ZNF516: variants seen among roughly 807,000 people sequenced by gnomAD.
ZNF516 encodes zinc finger protein 516.
Under a neutral mutation model 79.7 loss-of-function variants are expected in ZNF516, and 19 were observed. The observed-to-expected ratio is 0.24, with a 90% CI of 0.17 to 0.35. ZNF516 has a LOEUF of 0.35. Among genes scored for constraint, ZNF516 ranks in the 10% least tolerant of loss-of-function variants. The probability of loss-of-function intolerance (pLI) is 1.00; values close to 1 mark genes in which losing one functional copy is unlikely to be tolerated. For synonymous variants in ZNF516, 877 were observed against 739.5 expected, an observed-to-expected ratio of 1.19 and a Z score of -3.02; for missense variants, 1,678 against 1,679.5, an observed-to-expected ratio of 1.00 and a Z score of 0.02.
chr18:76,376,436 T>C (rs1283653571), intron 4 of ZNF516, among the ~76,000 whole-genome samples: 1 of 151,958 alleles, frequency 6.6e-6, no homozygotes, highest in Non-Finnish European at 1.5e-5. Context: ...TATGTCTCAA[T>C]GTGTACATTA....
chr18:76,474,298 C>T (rs1366197779), intron 1 of ZNF516, among the ~76,000 whole-genome samples: 1 of 152,102 alleles, frequency 6.6e-6, no homozygotes, highest in Non-Finnish European at 1.5e-5. Context: ...GCTAAATTGG[C>T]AATAGAACAT....
rs1397663466 is a variant in ZNF516, at chr18:76,379,335, T to C, written c.2779A>G (p.Arg927Gly). The C allele has an allele frequency of 1.3e-6, 2 of 1,594,826 alleles. No homozygotes were observed. The highest frequency in any genetic ancestry group is 1.7e-5 in the Admixed American group (1 of 58,002). Residue 927 changes from arginine to glycine, a missense_variant, in exon 4 of 7, where the codon AGG becomes GGG. Transcript: ENST00000443185. The part of the protein sequence containing the change: ...VPAPGGGGFS[R>G]SATPTPTVIA... ...ACGGTGGGCGTAGGGGTGGCGCTCC[T>C]GCTGAAGCCCCCGCCACCCGGGGCA...
In ZNF516 at chr18:76,379,800, G is replaced by A; in HGVS notation, c.2314C>T (p.Pro772Ser). ...CPYCSHKTYY[P>S]EVLWMHKRIW... Reference sequence around the variant, plus strand: ...CGTTTGTGCATCCACAGGACCTCGGGGTAGTAGGTCTTGTGGCTGCAGTAA... The same window carrying A: ...CGTTTGTGCATCCACAGGACCTCGGAGTAGTAGGTCTTGTGGCTGCAGTAA... The change falls in exon 4 of 7, where the codon CCC (proline) becomes TCC (serine). Residue 772 changes from proline to serine, a missense_variant. Transcript: ENST00000443185. 6 of 1,613,852 alleles carry A rather than the reference G, an allele frequency of 3.7e-6. No individual in the cohort carries two copies. Among genetic ancestry groups the A allele is most frequent in the Non-Finnish European group, 5.1e-6 (6 of 1,179,834 alleles).
At chr18:76,462,009 G>A in intron 2 of ZNF516, among the ~76,000 whole-genome samples, 1 of 152,236 alleles carries the variant, frequency 6.6e-6, no homozygotes, top group Non-Finnish European at 1.5e-5. Flanking sequence ...TATCAAGCGT[G>A]CGGGCCCTGG....
upstream of ZNF516, chr18:76,496,415 T>G (rs561387578): frequency 7.4e-4 from 959 of 1,289,638 alleles, 8 homozygotes; most frequent in African/African-American, 0.013. Flanking sequence ...GGCGTCTCTC[T>G]CTGCGCCTCA....
At chr18:76,418,209 G>A (rs2075458065) in intron 3 of ZNF516, among the ~76,000 whole-genome samples, 1 of 151,010 alleles carries the variant, frequency 6.6e-6, no homozygotes, top group Non-Finnish European at 1.5e-5. Context: ...TGTAACACAC[G>A]CTATAACACA....
chr18:76,493,838 A>G lies in ZNF516; in HGVS notation c.-272+1306T>C, dbSNP rs1338086316. 6.6e-6 allele frequency: 1 copy of G among 152,256 alleles called. No homozygotes were observed. Among genetic ancestry groups the G allele is most frequent in the Non-Finnish European group, 1.5e-5 (1 of 68,064 alleles). 9.4% of individuals were successfully genotyped at this position (152,256 alleles called of 1,614,324 possible). On this transcript the variant is annotated intron_variant, in intron 1 of 6. Transcript: ENST00000443185. The surrounding 1 kb of genome is among the most constrained non-coding windows in gnomAD (Gnocchi z 5.2). ...AGGTTACACCAGTCGCCTTTTCAAA[A>G]AATGTAAACCAACAATGCAGCAGCA...
chr18:76,392,528 G>A (rs921567316), intron 3 of ZNF516, among the ~76,000 whole-genome samples: 2 of 143,728 alleles, frequency 1.4e-5, no homozygotes, highest in Admixed American at 1.4e-4. Context: ...GGCCAGGTGG[G>A]GGAAAGGTGG....
chr18:76,491,121 C>G (rs1915160516), intron 1 of ZNF516: 2 of 980,720 alleles, frequency 2.0e-6, no homozygotes, highest in African/African-American at 1.7e-5. Flanking sequence ...CCCACCTCCG[C>G]CAGAACAAAG....
intron 2 of ZNF516, among the ~76,000 whole-genome samples, chr18:76,453,392 C>A (rs1020002614): frequency 6.6e-6 from 1 of 152,166 alleles, no homozygotes; most frequent in African/African-American, 2.4e-5. Context: ...CTCCTTCCCA[C>A]AAAAACAGAA....
At chr18:76,478,089 T>C (rs950466889) in intron 1 of ZNF516, among the ~76,000 whole-genome samples, 41 of 152,344 alleles carry the variant, frequency 2.7e-4, no homozygotes, top group African/African-American at 9.6e-4. Flanking sequence ...TTGTAAACTC[T>C]GGTGGAGAGC....
intron 3 of ZNF516, among the ~76,000 whole-genome samples, chr18:76,408,354 G>A (rs2075329258): frequency 6.6e-6 from 1 of 152,184 alleles, no homozygotes. Context: ...AAGCTCCGAG[G>A]GGCTGCGGCG....
intron 3 of ZNF516, among the ~76,000 whole-genome samples, chr18:76,392,557 A>AAAGGTGGATGGGAAGG (rs2075090295): frequency 2.3e-5 from 3 of 131,580 alleles, no homozygotes; most frequent in African/African-American, 1.0e-4. Context: ...GCAGGTGGCC[A>AAAGGTGGATGGGAAGG]CGTGGGGGAA....
Position 76,442,631 on chromosome 18 carries a change from C to A in ZNF516, c.424G>T (p.Gly142Trp). Residue 142 changes from glycine (G) to tryptophan (W), a missense_variant, in exon 3 of 7, where the codon GGG (glycine) becomes TGG (tryptophan). Physicochemically the swap from Gly to Trp is radical, Grantham distance 184 (BLOSUM62 -2). Around this residue, in one of 5 missense-constraint regions of ZNF516, gnomAD observed 279 missense variants for 254.1 expected, o/e 1.10. Transcript: ENST00000443185. ...CTGCCGCTGTCGGCCTGCGAGGCCCCGTTCAGGACCCTGGCGCCGTCGGCC... is the reference window on the plus strand; with the variant it reads ...CTGCCGCTGTCGGCCTGCGAGGCCCAGTTCAGGACCCTGGCGCCGTCGGCC... Reference protein sequence around the residue: ...SQADGARVLNGASQADSGRVL... With the variant: ...SQADGARVLNWASQADSGRVL... 3 of 1,594,126 alleles carry A rather than the reference C, an allele frequency of 1.9e-6. No homozygotes were observed. Among genetic ancestry groups the A allele is most frequent in the South Asian group, 1.1e-5 (1 of 90,306 alleles).
chr18:76,371,531 G>A lies in ZNF516; in HGVS notation c.3300C>T (p.Cys1100=). Residue 1100 remains cysteine, a synonymous_variant, in exon 5 of 7, where the codon TGC becomes TGT. Transcript: ENST00000443185. ...GGTGGAAGCTCTTTCCGCACTCGAT[G>A]CAGACGAACTCTCCTGGCCGGGCCT... is the stretch of plus-strand genomic sequence containing the variant. ...RTQARPGEFV[C]IECGKSFHQP... 1 of 1,611,042 alleles carries A rather than the reference G, an allele frequency of 6.2e-7. No individual in the cohort carries two copies. Among genetic ancestry groups the A allele is most frequent in the South Asian group, 1.1e-5 (1 of 91,052 alleles).
At chr18:76,478,391 G>T (rs1440372146) in intron 1 of ZNF516, among the ~76,000 whole-genome samples, 1 of 152,006 alleles carries the variant, frequency 6.6e-6, no homozygotes, top group African/African-American at 2.4e-5. Context: ...TTGTAAACTT[G>T]TTTATATTGA....
rs575302995 is a variant in ZNF516, at chr18:76,478,929, G to C, written c.-271-15788C>G. Among the ~76,000 whole-genome samples the C allele has an allele frequency of 1.3e-4, 20 of 152,130 alleles. No individual in the cohort carries two copies. In the East Asian group the frequency reaches 3.9e-3, roughly 29 times the overall value. On this transcript the variant is annotated intron_variant, in intron 1 of 6. Transcript: ENST00000443185. ...AAATTAGCTGGGCATGGTTGTGTGC[G>C]CCTGTAATCCCAGCTACTCGGGAGA...
intron 3 of ZNF516, chr18:76,389,084 G>A (rs1408536515): frequency 6.6e-6 from 1 of 152,258 alleles, no homozygotes; most frequent in Non-Finnish European, 1.5e-5. Flanking sequence ...GGCGGCTGGT[G>A]GGTTGGGCTG....
chr18:76,491,683 CG>C, intron 1 of ZNF516: 1 of 378,692 alleles, frequency 2.6e-6, no homozygotes, highest in Non-Finnish European at 3.6e-6. Flanking sequence ...CACCCCGGGG[CG>C]GGCAGGTGAG....
Sources: gnomAD v4.1 joint callset for allele counts (sites outside exome capture counted in the v4.1 genomes callset) on GRCh38, gnomAD v4.1.1 for gene constraint, gnomAD v4.1.1 regional missense constraint, Gnocchi (gnomAD v3.1) non-coding constraint, MANE v1.5 for transcripts, NCBI Gene and HGNC (gene_info 2026-07-23, HGNC 2026-07-21) for gene names.